LAMA3: variants seen among roughly 807,000 people sequenced by gnomAD.
LAMA3 encodes the protein laminin subunit alpha 3, also known as laminin subunit alpha-3.
Under a neutral mutation model 402.0 loss-of-function variants are expected in LAMA3, and 281 were observed. The ratio of observed to expected loss-of-function variants is 0.70; its 90% confidence interval spans 0.63 to 0.77. The LOEUF (loss-of-function observed/expected upper bound fraction) is 0.77. Among genes scored for constraint, LAMA3 ranks in the 30% least tolerant of loss-of-function variants. The probability of loss-of-function intolerance (pLI) is 0.00; values close to 1 mark genes in which losing one functional copy is unlikely to be tolerated. For synonymous variants in LAMA3, 1,431 were observed against 1,558.4 expected, an observed-to-expected ratio of 0.92 and a Z score of 1.93; for missense variants, 3,840 against 4,215.5, an observed-to-expected ratio of 0.91 and a Z score of 2.47.
At chr18:23,912,220 A>G (rs1331408475) in intron 55 of LAMA3, among the ~76,000 whole-genome samples, 1 of 149,844 alleles carries the variant, frequency 6.7e-6, no homozygotes, top group Non-Finnish European at 1.5e-5. Context: ...TGCAGCCTGG[A>G]ACTCCTGAGC....
intron 27 of LAMA3, among the ~76,000 whole-genome samples, chr18:23,840,263 T>C (rs1237015431): frequency 6.6e-6 from 1 of 152,224 alleles, no homozygotes; most frequent in Non-Finnish European, 1.5e-5. Flanking sequence ...ATGGCCCATA[T>C]TGTGATAGCT....
intron 11 of LAMA3, among the ~76,000 whole-genome samples, chr18:23,781,725 A>G (rs1451079430): frequency 6.6e-6 from 1 of 152,182 alleles, no homozygotes; most frequent in South Asian, 2.1e-4. Context: ...GGTGATAAGA[A>G]TGCTGTCTTC....
At chr18:23,702,465 A>T (rs2060808198) in intron 1 of LAMA3, among the ~76,000 whole-genome samples, 1 of 152,038 alleles carries the variant, frequency 6.6e-6, no homozygotes, top group Non-Finnish European at 1.5e-5. Flanking sequence ...CTGGGACTAC[A>T]GGTGTGCACC....
At chr18:23,830,841 T>C (rs529752685) in intron 23 of LAMA3, among the ~76,000 whole-genome samples, 78 of 152,322 alleles carry the variant, frequency 5.1e-4, no homozygotes, top group African/African-American at 1.8e-3. Context: ...CATATTGTTA[T>C]GCCCAGTCAT....
intron 12 of LAMA3, among the ~76,000 whole-genome samples, chr18:23,794,471 G>T (rs2062724386): frequency 6.6e-6 from 1 of 152,186 alleles, no homozygotes; most frequent in Non-Finnish European, 1.5e-5. Flanking sequence ...TGTGGGGAAA[G>T]AATGCCCACT....
intron 39 of LAMA3, among the ~76,000 whole-genome samples, chr18:23,878,440 C>T (rs900967812): frequency 1.3e-5 from 2 of 152,346 alleles, no homozygotes; most frequent in Non-Finnish European, 2.9e-5. Flanking sequence ...CAGACCTAAT[C>T]CCTACACTCA....
At chr18:23,833,587 C>T (rs1325715361) in intron 23 of LAMA3, among the ~76,000 whole-genome samples, 1 of 152,108 alleles carries the variant, frequency 6.6e-6, no homozygotes, top group East Asian at 1.9e-4. Flanking sequence ...ACGGGATGCC[C>T]CATTAAATTG....
chr18:23,950,573 G>C (rs185101245), intron 72 of LAMA3, among the ~76,000 whole-genome samples: 2 of 152,196 alleles, frequency 1.3e-5, no homozygotes, highest in East Asian at 3.9e-4. Context: ...TCACAGGCCT[G>C]AGTCAACATC....
At chr18:23,788,213 A>T (rs1264198339) in intron 12 of LAMA3, among the ~76,000 whole-genome samples, 3 of 151,898 alleles carry the variant, frequency 2.0e-5, no homozygotes, top group African/African-American at 7.2e-5. Context: ...TATATAAATT[A>T]ATAATTATAA....
chr18:23,741,634 AT>A (rs749185606), intron 2 of LAMA3, among the ~76,000 whole-genome samples: 29 of 152,210 alleles, frequency 1.9e-4, no homozygotes, highest in Non-Finnish European at 2.4e-4. Flanking sequence ...TAGTAGGGGC[AT>A]TTATAATTTA....
intron 13 of LAMA3, among the ~76,000 whole-genome samples, chr18:23,811,882 A>G (rs1031903675): frequency 6.7e-6 from 1 of 150,240 alleles, no homozygotes; most frequent in East Asian, 2.0e-4. Flanking sequence ...ATTTTATTTT[A>G]TTTTTTTTTG....
chr18:23,932,288 A>G lies in LAMA3; in HGVS notation c.8705A>G (p.Gln2902Arg). ...FEGCISNVFV[Q>R]RLSLSPEVLD... ...GGTTGTATTAGCAATGTTTTTGTCC[A>G]GAGGTAGGTGATCCTCTCTTTGTGG... Residue 2902 changes from glutamine (Q) to arginine (R), a missense_variant, in exon 66 of 75, where the codon CAG (glutamine) becomes CGG (arginine). Physicochemically the swap from Gln to Arg is conservative, Grantham distance 43. This residue lies in a region of LAMA3 where 840 missense variants were observed against 981.9 expected (regional missense o/e 0.86). Coordinates refer to ENST00000313654, the MANE Select transcript of LAMA3 (RefSeq NM_198129.4). 6.2e-7 allele frequency: 1 copy of G among 1,613,934 alleles called. No individual in the cohort carries two copies.
Position 23,894,954 on chromosome 18 carries a change from GGCGAGCAGCTCC to G in LAMA3, c.5512_5523del (p.Glu1838_Arg1841del). 1 of 1,614,166 alleles carries G rather than the reference GGCGAGCAGCTCC, an allele frequency of 6.2e-7. No individual in the cohort carries two copies. On this transcript the variant is annotated inframe_deletion, in exon 44 of 75. Transcript: ENST00000313654. ...CCTCCTGAACGACCTGGCCACCATG[GGCGAGCAGCTCC>G]GCCTGGTCAAGTCTCAGCTGCAGGG...
At chr18:23,869,806 C>T (rs537343996) in intron 37 of LAMA3, among the ~76,000 whole-genome samples, 5 of 152,290 alleles carry the variant, frequency 3.3e-5, no homozygotes, top group African/African-American at 7.2e-5. Context: ...CAATGGCTCA[C>T]GCCTGTAATT....
In LAMA3 at chr18:23,918,121, A is replaced by G. The variant is rs2081703362; in HGVS notation, c.7923+1426A>G. Among the ~76,000 whole-genome samples the G allele has an allele frequency of 6.6e-6, 1 of 152,140 alleles. No individual in the cohort carries two copies. The highest frequency in any genetic ancestry group is 1.5e-5 in the Non-Finnish European group (1 of 68,016). On this transcript the variant is annotated intron_variant, in intron 60 of 74. Coordinates refer to ENST00000313654, the MANE Select transcript of LAMA3 (RefSeq NM_198129.4). This position sits in a 1 kb window ranked among gnomAD's most constrained non-coding sequence, Gnocchi z 4.1. ...GTCTTGTGCATATGACTAGCCAGTT[A>G]TCCCAGCATCACTTATTGAATAGGG...
At chr18:23,811,832 C>T (rs1027190286) in intron 13 of LAMA3, among the ~76,000 whole-genome samples, 3 of 151,980 alleles carry the variant, frequency 2.0e-5, no homozygotes, top group African/African-American at 7.2e-5. Context: ...GCCTGGGCAA[C>T]ATAATGAGAT....
intron 39 of LAMA3, among the ~76,000 whole-genome samples, chr18:23,881,453 T>C (rs1183078553): frequency 1.3e-5 from 2 of 152,216 alleles, no homozygotes; most frequent in African/African-American, 4.8e-5. Flanking sequence ...ATCAAAGCAG[T>C]GCTAAGGGGA....
At chr18:23,744,556 G>T (rs1391723144) in intron 2 of LAMA3, among the ~76,000 whole-genome samples, 1 of 152,056 alleles carries the variant, frequency 6.6e-6, no homozygotes, top group Non-Finnish European at 1.5e-5. Context: ...ATCTGGCCGG[G>T]CACGGTGGCT....
At chr18:23,795,717 A>AAG (rs1362393978) in intron 12 of LAMA3, among the ~76,000 whole-genome samples, 11 of 148,812 alleles carry the variant, frequency 7.4e-5, no homozygotes, top group African/African-American at 2.8e-4. Flanking sequence ...AGGGGCTTAA[A>AAG]ATATATATAT....
Sources: gnomAD v4.1 joint callset for allele counts (sites outside exome capture counted in the v4.1 genomes callset) on GRCh38, gnomAD v4.1.1 for gene constraint, gnomAD v4.1.1 regional missense constraint, Gnocchi (gnomAD v3.1) non-coding constraint, MANE v1.5 for transcripts, NCBI Gene and HGNC (gene_info 2026-07-23, HGNC 2026-07-21) for gene names.